The following ZPLD1 variants were observed in gnomAD, a reference collection of about 807,000 sequenced individuals.
The protein encoded by ZPLD1 is zona pellucida like domain containing 1, also known as zona pellucida-like domain-containing protein 1.
Under a neutral mutation model 47.2 loss-of-function variants are expected in ZPLD1, and 34 were observed. That is an observed-to-expected ratio of 0.72 (90% CI 0.55 to 0.96). ZPLD1 has a LOEUF of 0.96. ZPLD1 is among the 40% of genes least tolerant of loss of function. The pLI, the probability that ZPLD1 is intolerant of heterozygous loss-of-function variation, is 0.00. For synonymous variants in ZPLD1, 176 were observed against 186.2 expected (o/e 0.95, Z 0.45); for missense variants, 512 against 505.8 (o/e 1.01, Z -0.12).
chr3:102,451,895 C>T (rs1707341464), intron 3 of ZPLD1, among the ~76,000 whole-genome samples: 1 of 152,132 alleles, frequency 6.6e-6, no homozygotes, highest in African/African-American at 2.4e-5. Flanking sequence ...CTAATTTAAT[C>T]TGCAACAACC....
At chr3:102,425,620 A>G (rs1245215254) in intron 8 of ZPLD1, among the ~76,000 whole-genome samples, 1 of 152,044 alleles carries the variant, frequency 6.6e-6, no homozygotes, top group African/African-American at 2.4e-5. Flanking sequence ...GATCCCAAAG[A>G]ACATTTTGGT....
chr3:102,393,916 T>C (rs373501651), intron 7 of ZPLD1, among the ~76,000 whole-genome samples: 2 of 152,182 alleles, frequency 1.3e-5, no homozygotes, highest in Non-Finnish European at 2.9e-5. Flanking sequence ...AAAGCTACAT[T>C]AAATCTTTGA....
chr3:102,442,639 A>G (rs186874777), intron 3 of ZPLD1, among the ~76,000 whole-genome samples: 109 of 152,224 alleles, frequency 7.2e-4, no homozygotes, highest in African/African-American at 2.4e-3. Flanking sequence ...AGCTGCTCGG[A>G]GGCTAAGCAA....
chr3:102,457,964 C>G, intron 6 of ZPLD1, 111 bp downstream of exon 6: 2 of 954,576 alleles, frequency 2.1e-6, no homozygotes, highest in South Asian at 3.3e-5. Flanking sequence ...CCCTGTTATG[C>G]CTTGGTAACA....
intron 7 of ZPLD1, among the ~76,000 whole-genome samples, chr3:102,401,165 T>C (rs1047333166): frequency 6.6e-6 from 1 of 152,092 alleles, no homozygotes; most frequent in Non-Finnish European, 1.5e-5. Flanking sequence ...GTTAGTCATA[T>C]GAATGACATG....
At chr3:102,443,428 C>A (rs1034426852) in intron 3 of ZPLD1, among the ~76,000 whole-genome samples, 2 of 152,092 alleles carry the variant, frequency 1.3e-5, no homozygotes, top group Non-Finnish European at 2.9e-5. Flanking sequence ...TATTGCAAAT[C>A]TGCAAATTAA....
At chr3:102,403,675 A>G (rs1477091137) in intron 7 of ZPLD1, among the ~76,000 whole-genome samples, 1 of 151,996 alleles carries the variant, frequency 6.6e-6, no homozygotes, top group African/African-American at 2.4e-5. Context: ...GGAAATTAAT[A>G]AACTTCTAGT....
intron 6 of ZPLD1, among the ~76,000 whole-genome samples, chr3:102,386,689 A>G (rs1228164088): frequency 6.6e-6 from 1 of 152,164 alleles, no homozygotes; most frequent in African/African-American, 2.4e-5. Flanking sequence ...TTAAAGACAA[A>G]TTGAAATCAT....
At chr3:102,392,816 C>T (rs1706512286) in intron 7 of ZPLD1, among the ~76,000 whole-genome samples, 1 of 152,120 alleles carries the variant, frequency 6.6e-6, no homozygotes, top group Non-Finnish European at 1.5e-5. Flanking sequence ...AACTGAGTTT[C>T]AAAAACAGTT....
rs374703068 is a variant in ZPLD1, at chr3:102,467,820, C to T, written c.762-1144C>T. 4.2e-5 allele frequency among the ~76,000 whole-genome samples: 6 copies of T among 142,232 alleles called. No homozygotes were observed. The East Asian group carries it at 6.2e-4, about 15-fold the overall frequency. The allele number at this position is 142,232 out of a possible 152,430, so 93.3% of individuals were successfully genotyped here. A position where few individuals can be genotyped will look rare whatever the true frequency, so the allele number is the denominator to read the frequency against. The stretch of plus-strand genomic sequence containing the variant: ...AAATAACATATTGAAAATTTAACTA[C>T]GTAAGAATAAAACTGTACACACACA... On this transcript the variant is annotated intron_variant, in intron 8 of 11. Transcript: ENST00000466937.
rs567831095 is a variant in ZPLD1 at position 102,423,846 on chromosome 3, C to T, written c.-9+5639C>T. Reference sequence around the variant, plus strand: ...TCTGTAATTGATTGGTTAACATGACCAATAAGCAGCGTGCTAGCCATGGAA... The same window carrying T: ...TCTGTAATTGATTGGTTAACATGACTAATAAGCAGCGTGCTAGCCATGGAA... On this transcript the variant is annotated intron_variant, in intron 8 of 17. Transcript: ENST00000491959. Among the ~76,000 whole-genome samples, 5 of 152,212 alleles carry T rather than the reference C, an allele frequency of 3.3e-5. No individual in the cohort carries two copies. In the South Asian group the frequency reaches 1.0e-3, roughly 32 times the overall value.
intron 6 of ZPLD1, among the ~76,000 whole-genome samples, chr3:102,390,017 G>A (rs1706477375): frequency 6.6e-6 from 1 of 152,114 alleles, no homozygotes; most frequent in Admixed American, 6.6e-5. Context: ...AGGGATACTT[G>A]TAAAGTAGGC....
At chr3:102,413,023 T>C (rs948274238) in intron 7 of ZPLD1, among the ~76,000 whole-genome samples, 1 of 151,786 alleles carries the variant, frequency 6.6e-6, no homozygotes, top group African/African-American at 2.4e-5. Flanking sequence ...CCTATAATGA[T>C]TTTACATGGC....
At chr3:102,470,346 C>T (rs771384818) in intron 9 of ZPLD1, 48 bp from the exon 10 acceptor site, 1 of 1,491,802 alleles carries the variant, frequency 6.7e-7, no homozygotes, top group South Asian at 1.1e-5. Flanking sequence ...CATAAAGAAA[C>T]AATTCTGCGC....
At chr3:102,431,065 C>T (rs1285869184), upstream of ZPLD1, among the ~76,000 whole-genome samples, 2 of 152,140 alleles carry the variant, frequency 1.3e-5, no homozygotes, top group East Asian at 3.8e-4. Context: ...CCTATCATTT[C>T]ACTTACTCCC....
intron 5 of ZPLD1, among the ~76,000 whole-genome samples, chr3:102,456,976 A>G (rs529633058): frequency 1.2e-4 from 18 of 152,198 alleles, no homozygotes; most frequent in African/African-American, 4.1e-4. Flanking sequence ...TCACGTATGC[A>G]TTATTTCCAA....
intron 7 of ZPLD1, among the ~76,000 whole-genome samples, chr3:102,399,701 T>C (rs1261344323): frequency 6.6e-6 from 1 of 152,122 alleles, no homozygotes; most frequent in Non-Finnish European, 1.5e-5. Flanking sequence ...TACACATTAA[T>C]ATACTCGAGG....
chr3:102,409,890 C>T (rs1706731480), intron 7 of ZPLD1, among the ~76,000 whole-genome samples: 1 of 151,690 alleles, frequency 6.6e-6, no homozygotes. Context: ...AGTCTTGTGC[C>T]TCAGAAAGCA....
chr3:102,423,491 A>G (rs1261256234), intron 8 of ZPLD1, among the ~76,000 whole-genome samples: 1 of 151,294 alleles, frequency 6.6e-6, no homozygotes, highest in African/African-American at 2.4e-5. Context: ...AACTCAAGGA[A>G]CTCTCCTATA....
Sources: gnomAD v4.1 joint callset for allele counts (sites outside exome capture counted in the v4.1 genomes callset) on GRCh38, gnomAD v4.1.1 for gene constraint, MANE v1.5 for transcripts, NCBI Gene and HGNC (gene_info 2026-07-23, HGNC 2026-07-21) for gene names.